Variants in ST3GAL1 observed in about 807,000 individuals in gnomAD.
The protein encoded by ST3GAL1 is CMP-N-acetylneuraminate-beta-galactosamide-alpha-2,3-sialyltransferase 1.
In ST3GAL1, 16 loss-of-function variants were observed where a neutral mutation model predicts 34.1. The ratio of observed to expected loss-of-function variants is 0.47; its 90% CI spans 0.32 to 0.71. The LOEUF (loss-of-function observed/expected upper bound fraction) is 0.71. ST3GAL1 is among the 30% of genes least tolerant of loss of function. ST3GAL1 has a pLI of 0.04. For synonymous variants in ST3GAL1, 191 were observed against 184.7 expected (o/e 1.03, Z -0.28); for missense variants, 353 against 447.4 (o/e 0.79, Z 1.90).
intron 2 of ST3GAL1, chr8:133,515,678 T>C (rs1379143766): frequency 6.6e-6 from 1 of 152,160 alleles, no homozygotes; most frequent in East Asian, 1.9e-4. Context: ...ACAGCTCTCA[T>C]ACTAATTATT....
At chr8:133,527,451 A>G (rs1447255925) in intron 2 of ST3GAL1, among the ~76,000 whole-genome samples, 2 of 152,172 alleles carry the variant, frequency 1.3e-5, no homozygotes, top group African/African-American at 4.8e-5. Flanking sequence ...GTCAGCTTAG[A>G]ATAATGACGG....
intron 2 of ST3GAL1, among the ~76,000 whole-genome samples, chr8:133,517,227 C>A (rs1403735855): frequency 6.6e-6 from 1 of 152,262 alleles, no homozygotes; most frequent in Non-Finnish European, 1.5e-5. Flanking sequence ...AGCTATGTGA[C>A]CTTGAGCAAG....
chr8:133,475,860 C>T lies in ST3GAL1; in HGVS notation c.165G>A (p.Lys55=), dbSNP rs929617330. Residue 55 remains lysine, a synonymous_variant, in exon 5 of 10, where the codon AAG becomes AAA. Transcript: ENST00000522652. Reference sequence around the variant, plus strand: ...AGTGGGTGCAGGTGCAAGGCCTGTGCTTGATCAGTCTCTTCAGGTTCTCGG... The same window carrying T: ...AGTGGGTGCAGGTGCAAGGCCTGTGTTTGATCAGTCTCTTCAGGTTCTCGG... ...ELSENLKRLI[K]HRPCTCTHCI... The T allele has an allele frequency of 1.2e-6, 2 of 1,614,040 alleles. No individual in the cohort carries two copies. Among genetic ancestry groups the T allele is most frequent in the Non-Finnish European group, 1.7e-6 (2 of 1,180,048 alleles).
Position 133,506,771 on chromosome 8 carries a change from G to A in ST3GAL1, c.-428-7582C>T, listed in dbSNP as rs1312078367. ...TTGCACTCCAGCTTGGGGGACAAGAGTGAGACTTTGTCCCAAAAAAAAGAA... is the reference window on the plus strand; with the variant it reads ...TTGCACTCCAGCTTGGGGGACAAGAATGAGACTTTGTCCCAAAAAAAAGAA... On this transcript the variant is annotated intron_variant, in intron 2 of 9. Coordinates refer to ENST00000522652, the MANE Select transcript of ST3GAL1 (RefSeq NM_173344.3). Among the ~76,000 whole-genome samples the A allele has an allele frequency of 3.3e-5, 5 of 150,664 alleles. No individual in the cohort carries two copies. In the East Asian group the frequency reaches 9.8e-4, roughly 30 times the overall value.
At chr8:133,463,059 G>A (rs1815570289) in intron 8 of ST3GAL1, among the ~76,000 whole-genome samples, 2 of 152,234 alleles carry the variant, frequency 1.3e-5, no homozygotes, top group African/African-American at 4.8e-5. Context: ...AGCAGGAGGT[G>A]CAGCCTGGCT....
chr8:133,479,785 G>A (rs1327771445), intron 3 of ST3GAL1, among the ~76,000 whole-genome samples: 1 of 152,268 alleles, frequency 6.6e-6, no homozygotes, highest in South Asian at 2.1e-4. Context: ...TCCAAGGCCA[G>A]GGCACTCCCC....
chr8:133,560,145 G>C (rs1007721824), intron 1 of ST3GAL1, among the ~76,000 whole-genome samples: 3 of 152,010 alleles, frequency 2.0e-5, no homozygotes, highest in African/African-American at 7.3e-5. Context: ...CACAAATGAT[G>C]AATGTTTGAG....
chr8:133,562,790 TTTCTTTCC>T (rs751759638), intron 1 of ST3GAL1, among the ~76,000 whole-genome samples: 8,709 of 130,028 alleles, frequency 0.067, 369 homozygotes, highest in Middle Eastern at 0.11. Context: ...TCTTTCTTTC[TTTCTTTCC>T]TTCCTTCCTT....
At chr8:133,499,730 C>A (rs915749148) in intron 2 of ST3GAL1, among the ~76,000 whole-genome samples, 8 of 152,154 alleles carry the variant, frequency 5.3e-5, no homozygotes, top group African/African-American at 1.4e-4. Context: ...GCTCCAGCCT[C>A]GCCATCACAC....
chr8:133,482,828 C>T (rs1816446283), intron 3 of ST3GAL1, among the ~76,000 whole-genome samples: 1 of 152,236 alleles, frequency 6.6e-6, no homozygotes. Flanking sequence ...CCGGCCCATG[C>T]CTGGTCACTG....
At chr8:133,557,228 T>A (rs977510810) in intron 1 of ST3GAL1, among the ~76,000 whole-genome samples, 1 of 152,108 alleles carries the variant, frequency 6.6e-6, no homozygotes, top group African/African-American at 2.4e-5. Flanking sequence ...AATACAAGCT[T>A]GCTCACCGGG....
intron 1 of ST3GAL1, among the ~76,000 whole-genome samples, chr8:133,558,142 C>T (rs992293222): frequency 9.2e-5 from 14 of 152,152 alleles, no homozygotes; most frequent in African/African-American, 3.4e-4. Context: ...CGCAAAGCTG[C>T]CCAGAGGTCA....
chr8:133,546,438 G>A (rs138965159), intron 1 of ST3GAL1, among the ~76,000 whole-genome samples: 107 of 148,344 alleles, frequency 7.2e-4, no homozygotes, highest in African/African-American at 2.5e-3. Flanking sequence ...AGCCCAGATC[G>A]TGCCACTGCA....
At position 133,570,041 on chromosome 8, in the gene ST3GAL1, A is replaced by G. The variant is rs1056042522; in HGVS notation, c.-582+1652T>C. 4 of 152,294 alleles carry G rather than the reference A, an allele frequency of 2.6e-5. No individual in the cohort carries two copies. Among genetic ancestry groups the G allele is most frequent in the African/African-American group, 9.6e-5 (4 of 41,474 alleles). The allele number at this position is 152,294 out of a possible 1,614,324, so 9.4% of individuals were successfully genotyped here. The stretch of plus-strand genomic sequence containing the variant: ...TTCCACCTTGGGGCCTTGTCAATGA[A>G]CACTGCGTTAGCACCTACGACGTGC... On this transcript the variant is annotated intron_variant, in intron 1 of 9. Coordinates refer to ENST00000522652, the MANE Select transcript of ST3GAL1 (RefSeq NM_173344.3). The surrounding 1 kb of genome is among the most constrained non-coding windows in gnomAD (Gnocchi z 5.6).
intron 1 of ST3GAL1, among the ~76,000 whole-genome samples, chr8:133,546,316 G>A (rs1818667935): frequency 6.6e-6 from 1 of 151,790 alleles, no homozygotes; most frequent in Non-Finnish European, 1.5e-5. Flanking sequence ...AACCCCATCT[G>A]TACTAAAAAT....
intron 5 of ST3GAL1, 43 bp downstream of exon 5, chr8:133,475,676 C>T: frequency 9.9e-6 from 15 of 1,520,668 alleles, no homozygotes; most frequent in Non-Finnish European, 1.1e-5. Context: ...TCAGTCCACA[C>T]CCCAACTCTC....
intron 1 of ST3GAL1, among the ~76,000 whole-genome samples, chr8:133,557,005 AC>A (rs1563741767): frequency 6.6e-6 from 1 of 151,578 alleles, no homozygotes. Flanking sequence ...GTATGTGACA[AC>A]CCCCCAACCT....
chr8:133,460,944 C>G (rs1158188331), intron 9 of ST3GAL1, among the ~76,000 whole-genome samples: 1 of 152,142 alleles, frequency 6.6e-6, no homozygotes, highest in African/African-American at 2.4e-5. Context: ...GTGGCTTTCT[C>G]AGGAAATGCA....
At chr8:133,511,174 C>T (rs1026466645) in intron 2 of ST3GAL1, among the ~76,000 whole-genome samples, 45 of 152,056 alleles carry the variant, frequency 3.0e-4, no homozygotes, top group African/African-American at 1.0e-3. Context: ...GATCAACAAA[C>T]ACATTTTAAA....
Sources: gnomAD v4.1 joint callset for allele counts (sites outside exome capture counted in the v4.1 genomes callset) on GRCh38, gnomAD v4.1.1 for gene constraint, Gnocchi (gnomAD v3.1) non-coding constraint, MANE v1.5 for transcripts, NCBI Gene and HGNC (gene_info 2026-07-23, HGNC 2026-07-21) for gene names.